The following DOCK5 variants were observed in gnomAD, a reference collection of about 807,000 sequenced individuals.
The protein encoded by DOCK5 is dedicator of cytokinesis protein 5.
A neutral mutation model predicts 251.8 loss-of-function variants in DOCK5; 142 were observed. That is an observed-to-expected ratio of 0.56 (90% CI 0.49 to 0.65). The LOEUF is 0.65. DOCK5 is among the 30% of genes least tolerant of loss of function. The pLI is 0.00. For missense variants in DOCK5, 2,111 were observed against 2,312.3 expected, an observed-to-expected ratio of 0.91 and a Z score of 1.79; for synonymous variants, 842 against 835.5, an observed-to-expected ratio of 1.01 and a Z score of -0.13.
chr8:25,364,263 A>G (rs978761639), intron 29 of DOCK5, among the ~76,000 whole-genome samples: 2 of 152,208 alleles, frequency 1.3e-5, no homozygotes, highest in South Asian at 2.1e-4. Flanking sequence ...CTTCTCTGCT[A>G]TGTACAGATT....
chr8:25,332,522 T>G lies in DOCK5; in HGVS notation c.2002-81T>G, dbSNP rs1345713291. ...AATGCTATTTTAAACCTCTTTGATTTAAACTAGTTGTACCCAGATTTCTGT... is the reference window on the plus strand; with the variant it reads ...AATGCTATTTTAAACCTCTTTGATTGAAACTAGTTGTACCCAGATTTCTGT... On this transcript the variant is annotated intron_variant, in intron 19 of 51. Coordinates refer to ENST00000276440, the MANE Select transcript of DOCK5 (RefSeq NM_024940.8). 2.3e-6 allele frequency: 3 copies of G among 1,303,778 alleles called. No individual in the cohort carries two copies. In the East Asian group the frequency reaches 7.4e-5, roughly 32 times the overall value. 80.8% of individuals were successfully genotyped at this position (1,303,778 alleles called of 1,614,324 possible). A position where few individuals can be genotyped will look rare whatever the true frequency, so the allele number is the denominator to read the frequency against.
In DOCK5 at chr8:25,321,101, T is replaced by C. The variant is rs771157052; in HGVS notation, c.1615+49T>C. On this transcript the variant is annotated intron_variant, in intron 16 of 51. Coordinates refer to ENST00000276440, the MANE Select transcript of DOCK5 (RefSeq NM_024940.8). The stretch of plus-strand genomic sequence containing the variant: ...ATATTTCCACTTAAAAAAAATTTGC[T>C]CTGGCTTGACAGCCATCTTGTGAAG... 1.0e-5 allele frequency: 16 copies of C among 1,545,962 alleles called. No individual in the cohort carries two copies. The East Asian group carries it at 3.2e-4, about 31-fold the overall frequency.
chr8:25,254,851 A>G (rs942731923), intron 2 of DOCK5, among the ~76,000 whole-genome samples: 2 of 151,470 alleles, frequency 1.3e-5, no homozygotes, highest in African/African-American at 2.4e-5. Flanking sequence ...GAGCTTTAAA[A>G]TCCAACAATA....
At chr8:25,202,193 T>C (rs575568358) in intron 1 of DOCK5, among the ~76,000 whole-genome samples, 4 of 152,070 alleles carry the variant, frequency 2.6e-5, no homozygotes, top group Non-Finnish European at 5.9e-5. Flanking sequence ...AATTTTTGTA[T>C]TTTTAGAAGA....
chr8:25,390,672 A>G (rs7835202), intron 42 of DOCK5, among the ~76,000 whole-genome samples: 54,848 of 152,016 alleles, frequency 0.36, 9,987 homozygotes, highest in South Asian at 0.37. Flanking sequence ...ACCCAAAAGC[A>G]TCGCAGAGGA....
In DOCK5 at chr8:25,232,283, T is replaced by C. The variant is rs537798476; in HGVS notation, c.44-11391T>C. Reference sequence around the variant, plus strand: ...GAGGATTCTGCAATGCAGAATGCAATGCAATGCAATGCAGATGCAATGCAA... The same window carrying C: ...GAGGATTCTGCAATGCAGAATGCAACGCAATGCAATGCAGATGCAATGCAA... On this transcript the variant is annotated intron_variant, in intron 1 of 51. Coordinates refer to ENST00000276440, the MANE Select transcript of DOCK5 (RefSeq NM_024940.8). Among the ~76,000 whole-genome samples, 159 of 77,096 alleles carry C rather than the reference T, an allele frequency of 2.1e-3. 1 individual carries two copies. The highest frequency in any genetic ancestry group is 2.8e-3 in the Non-Finnish European group (128 of 45,866). 50.6% of individuals were successfully genotyped at this position (77,096 alleles called of 152,430 possible). A position where few individuals can be genotyped will look rare whatever the true frequency, so the allele number is the denominator to read the frequency against.
chr8:25,215,950 C>T (rs1294024218), intron 1 of DOCK5, among the ~76,000 whole-genome samples: 5 of 151,264 alleles, frequency 3.3e-5, no homozygotes, highest in African/African-American at 1.2e-4. Flanking sequence ...CACACACACA[C>T]ACACACACAC....
chr8:25,200,582 TA>T (rs1801857529), intron 1 of DOCK5, among the ~76,000 whole-genome samples: 1 of 149,124 alleles, frequency 6.7e-6, no homozygotes, highest in African/African-American at 2.5e-5. Flanking sequence ...TAATACCACA[TA>T]AAAAATTGAT....
Position 25,389,105 on chromosome 8 carries a change from C to T in DOCK5, c.4146C>T (p.Ile1382=). 3.1e-6 allele frequency: 5 copies of T among 1,613,916 alleles called. No homozygotes were observed. The highest frequency in any genetic ancestry group is 4.2e-6 in the Non-Finnish European group (5 of 1,179,848). Residue 1382 remains isoleucine (I), a synonymous_variant, in exon 41 of 52, where the codon ATC becomes ATT. Coordinates refer to ENST00000276440, the MANE Select transcript of DOCK5 (RefSeq NM_024940.8). The part of the protein sequence containing the change: ...FPSFLRNKIF[I]YRGKEYERRE... ...CTCACCTGCAGAATAAAATCTTCAT[C>T]TATCGGGGAAAGGAGTATGAGAGGC... is the stretch of plus-strand genomic sequence containing the variant.
intron 13 of DOCK5, among the ~76,000 whole-genome samples, chr8:25,313,085 G>T (rs1805145062): frequency 6.6e-6 from 1 of 152,118 alleles, no homozygotes; most frequent in Non-Finnish European, 1.5e-5. Flanking sequence ...GGTGAGTCAG[G>T]TCTGAGAAAT....
At chr8:25,399,373 T>C (rs1801398661) in intron 45 of DOCK5, among the ~76,000 whole-genome samples, 1 of 152,244 alleles carries the variant, frequency 6.6e-6, no homozygotes, top group African/African-American at 2.4e-5. Flanking sequence ...CATCTCATTT[T>C]CTTTTTAAAA....
intron 1 of DOCK5, among the ~76,000 whole-genome samples, chr8:25,221,283 G>A (rs576629001): frequency 1.5e-4 from 23 of 152,222 alleles, no homozygotes; most frequent in Non-Finnish European, 2.8e-4. Flanking sequence ...CTTTTTAAAA[G>A]CTTCAGCTAC....
intron 15 of DOCK5, among the ~76,000 whole-genome samples, 166 bp downstream of exon 15, chr8:25,319,842 A>G (rs2117198773): frequency 6.6e-6 from 1 of 152,320 alleles, no homozygotes; most frequent in Non-Finnish European, 1.5e-5. Flanking sequence ...TATTAAGAGC[A>G]TTTATCATTA....
chr8:25,391,197 CTGTGTGTGTGTGTGTGTG>C (rs760981712), intron 42 of DOCK5, among the ~76,000 whole-genome samples: 3 of 22,846 alleles, frequency 1.3e-4, no homozygotes, highest in African/African-American at 1.5e-4. Context: ...ACCACCACAC[CTGTGTGTGTGTGTGTGTG>C]TGTGTGTGTG....
chr8:25,186,674 T>C (rs1171475118), intron 1 of DOCK5, among the ~76,000 whole-genome samples: 1 of 150,706 alleles, frequency 6.6e-6, no homozygotes, highest in East Asian at 2.0e-4. Context: ...CCACCTCACC[T>C]GGCCCCTAGA....
intron 2 of DOCK5, among the ~76,000 whole-genome samples, chr8:25,262,508 G>A (rs1396449636): frequency 6.6e-6 from 1 of 151,970 alleles, no homozygotes; most frequent in Non-Finnish European, 1.5e-5. Context: ...CCTAGTTCTG[G>A]CCTACCAGGG....
In DOCK5 at chr8:25,220,837, C is replaced by A. The variant is rs534731476; in HGVS notation, c.44-22837C>A. Among the ~76,000 whole-genome samples the A allele has an allele frequency of 5.3e-5, 8 of 152,258 alleles. No individual in the cohort carries two copies. The South Asian group carries it at 1.7e-3, about 32-fold the overall frequency. On this transcript the variant is annotated intron_variant, in intron 1 of 51. Coordinates refer to ENST00000276440, the MANE Select transcript of DOCK5 (RefSeq NM_024940.8). ...CAGGCTGGTCTTGAACTCCTGACTT[C>A]AGGTGATCCGCCCACCTTGGCCTCC...
chr8:25,288,210 T>G (rs995450973), intron 5 of DOCK5, among the ~76,000 whole-genome samples: 2 of 152,132 alleles, frequency 1.3e-5, no homozygotes, highest in Admixed American at 1.3e-4. Context: ...TGGTGAGTGT[T>G]TGGTTTTCTC....
At chr8:25,373,489 G>C (rs1269574222) in intron 35 of DOCK5, 129 bp from the exon 36 acceptor site, 7 of 871,726 alleles carry the variant, frequency 8.0e-6, no homozygotes, top group Non-Finnish European at 1.3e-5. Flanking sequence ...GGGGATATTT[G>C]TTAAAGGGAA....
Sources: gnomAD v4.1 joint callset for allele counts (sites outside exome capture counted in the v4.1 genomes callset) on GRCh38, gnomAD v4.1.1 for gene constraint, MANE v1.5 for transcripts, NCBI Gene and HGNC (gene_info 2026-07-23, HGNC 2026-07-21) for gene names.